Variants in SETBP1 observed in about 807,000 individuals in gnomAD.
SETBP1 encodes SET-binding protein.
In SETBP1, 9 loss-of-function variants were observed where a neutral mutation model predicts 101.0. The ratio of observed to expected loss-of-function variants is 0.09; its 90% CI spans 0.05 to 0.16. The LOEUF (loss-of-function observed/expected upper bound fraction) is 0.16. Among genes scored for constraint, SETBP1 ranks in the 10% least tolerant of loss-of-function variants. SETBP1 has a pLI of 1.00. For synonymous variants in SETBP1, 818 were observed against 788.5 expected (o/e 1.04, Z -0.63); for missense variants, 1,858 against 2,033.8 (o/e 0.91, Z 1.66).
rs188411935 is a variant in SETBP1, at chr18:44,695,250, G to A, written c.-172-5925G>A. ...CGAAAGAAGCCAGAACCATTTAATG[G>A]AAGAAATTACCAAAGGAATAATTGA... is the stretch of plus-strand genomic sequence containing the variant. On this transcript the variant is annotated intron_variant, in intron 1 of 5. Coordinates refer to ENST00000649279, the MANE Select transcript of SETBP1 (RefSeq NM_015559.3). Among the ~76,000 whole-genome samples the A allele has an allele frequency of 2.0e-5, 3 of 152,236 alleles. No homozygotes were observed. The East Asian group carries it at 5.8e-4, about 29-fold the overall frequency.
chr18:44,875,550 A>C (rs970398877), intron 3 of SETBP1, among the ~76,000 whole-genome samples: 1 of 151,198 alleles, frequency 6.6e-6, no homozygotes, highest in Non-Finnish European at 1.5e-5. Context: ...AAAAAAAAAA[A>C]AGAAGGAGTG....
intron 2 of SETBP1, among the ~76,000 whole-genome samples, chr18:44,808,154 A>G (rs565484108): frequency 6.6e-6 from 1 of 152,320 alleles, no homozygotes; most frequent in Non-Finnish European, 1.5e-5. Flanking sequence ...CTTTTCTGTT[A>G]ATAACTTCCT....
chr18:44,970,125 C>T (rs769607496), intron 4 of SETBP1: 6 of 154,822 alleles, frequency 3.9e-5, no homozygotes, highest in Non-Finnish European at 7.3e-5. Context: ...ATAACGTCCT[C>T]AGGGAGCATT....
At chr18:45,045,695 C>A (rs971777491) in intron 5 of SETBP1, among the ~76,000 whole-genome samples, 1 of 152,116 alleles carries the variant, frequency 6.6e-6, no homozygotes, top group East Asian at 1.9e-4. Context: ...GCTAGGTGAT[C>A]TCAAGACTTC....
intron 2 of SETBP1, among the ~76,000 whole-genome samples, chr18:44,777,404 T>A (rs2071027256): frequency 6.6e-6 from 1 of 152,204 alleles, no homozygotes; most frequent in African/African-American, 2.4e-5. Flanking sequence ...CACTTAGTAA[T>A]CTCTCCATCA....
chr18:44,755,834 G>C (rs374413465), intron 2 of SETBP1, among the ~76,000 whole-genome samples: 17 of 152,138 alleles, frequency 1.1e-4, no homozygotes, highest in African/African-American at 3.4e-4. Context: ...AACCAATACA[G>C]CTTGGTTAAA....
chr18:44,798,048 A>T (rs544800997), intron 2 of SETBP1, among the ~76,000 whole-genome samples: 1 of 152,148 alleles, frequency 6.6e-6, no homozygotes, highest in Non-Finnish European at 1.5e-5. Context: ...CCATTTGTGG[A>T]CCCAAACGCT....
Position 44,950,591 on chromosome 18 carries a change from G to A in SETBP1, c.1251G>A (p.Lys417=). 1 of 1,613,950 alleles carries A rather than the reference G, an allele frequency of 6.2e-7. No individual in the cohort carries two copies. The highest frequency in any genetic ancestry group is 1.1e-5 in the South Asian group (1 of 91,066). ...CCTCTCTGGATCCAACCAACCATAA[G>A]AGGAAAAAAAGACAGTCCATTAAAG... ...KAPSLDPTNH[K]RKKRQSIKAV... The change falls in exon 4 of 6, where the codon AAG becomes AAA. Residue 417 remains lysine, a synonymous_variant. Transcript: ENST00000649279.
chr18:45,003,553 A>G (rs1476), intron 4 of SETBP1, among the ~76,000 whole-genome samples: 55,943 of 151,992 alleles, frequency 0.37, 10,443 homozygotes, highest in East Asian at 0.53. Context: ...GACAGGAGGC[A>G]CTTCCCACTG....
chr18:44,956,227 A>G (rs996022830), intron 4 of SETBP1, among the ~76,000 whole-genome samples: 15 of 152,038 alleles, frequency 9.9e-5, no homozygotes, highest in Admixed American at 9.2e-4. Context: ...CTCATTGCTT[A>G]TATCTCGAAT....
chr18:44,909,285 A>G (rs1357598623), intron 3 of SETBP1, among the ~76,000 whole-genome samples: 1 of 152,188 alleles, frequency 6.6e-6, no homozygotes, highest in Non-Finnish European at 1.5e-5. Context: ...GGCCGAGGAG[A>G]AAATGTGTTC....
chr18:44,886,216 C>T (rs2069644472), intron 3 of SETBP1, among the ~76,000 whole-genome samples: 1 of 152,142 alleles, frequency 6.6e-6, no homozygotes, highest in Non-Finnish European at 1.5e-5. Context: ...CTTCATGTAG[C>T]ACATGGGAGG....
intron 2 of SETBP1, among the ~76,000 whole-genome samples, chr18:44,729,978 A>G (rs1158268174): frequency 6.6e-6 from 1 of 152,156 alleles, no homozygotes; most frequent in Admixed American, 6.5e-5. Flanking sequence ...AGAAACTGTC[A>G]TGTAGACTAA....
rs1292543210 is a variant in SETBP1, at chr18:44,701,432, C to T, written c.86C>T (p.Ala29Val). The T allele has an allele frequency of 2.5e-6, 4 of 1,604,798 alleles. No homozygotes were observed. Among genetic ancestry groups the T allele is most frequent in the Non-Finnish European group, 3.4e-6 (4 of 1,174,918 alleles). ...CCGGTCTCCTCAGCCAAGCCCCCAG[C>T]TGCTCCTGGCTGTGCAGGAGAACCT... ...FLPVSSAKPP[A>V]APGCAGEPLL... Residue 29 changes from alanine to valine, a missense_variant, in exon 2 of 6, where the codon GCT becomes GTT. Ala to Val is a moderately conservative substitution (Grantham distance 64, BLOSUM62 0). This residue lies in a region of SETBP1 where 97 missense variants were observed against 101.2 expected (regional missense o/e 0.96). Coordinates refer to ENST00000649279, the MANE Select transcript of SETBP1 (RefSeq NM_015559.3).
intron 3 of SETBP1, among the ~76,000 whole-genome samples, chr18:44,918,765 A>G (rs1032697308): frequency 6.6e-6 from 1 of 152,242 alleles, no homozygotes; most frequent in Non-Finnish European, 1.5e-5. Context: ...TAATATGGCA[A>G]GAGAATGTGA....
intron 5 of SETBP1, among the ~76,000 whole-genome samples, chr18:45,047,652 A>G (rs1173320006): frequency 6.6e-6 from 1 of 152,142 alleles, no homozygotes; most frequent in Non-Finnish European, 1.5e-5. Context: ...GCAGGGCAAA[A>G]TCTTTCCCAT....
rs573294199 is a variant in SETBP1, at chr18:44,721,413, T to C, written c.486+19581T>C. Among the ~76,000 whole-genome samples, 4 of 152,342 alleles carry C rather than the reference T, an allele frequency of 2.6e-5. No individual in the cohort carries two copies. In the East Asian group the frequency reaches 7.7e-4, roughly 29 times the overall value. On this transcript the variant is annotated intron_variant, in intron 2 of 5. Transcript: ENST00000649279. ...AAAGCCAAAGTTTACTTTCTGTATA[T>C]GAGGCCAGTTGTAACCCATCATGTG...
At chr18:44,784,672 C>T (rs1475029061) in intron 2 of SETBP1, among the ~76,000 whole-genome samples, 1 of 152,206 alleles carries the variant, frequency 6.6e-6, no homozygotes, top group Non-Finnish European at 1.5e-5. Context: ...ATTTTTCTTG[C>T]TCTACGTTGT....
intron 4 of SETBP1, among the ~76,000 whole-genome samples, chr18:45,012,968 A>T (rs1903547622): frequency 1.3e-5 from 2 of 152,244 alleles, no homozygotes; most frequent in South Asian, 4.1e-4. Flanking sequence ...TGTAACTCCT[A>T]GATTTAGTCA....
Sources: allele counts gnomAD v4.1 joint callset (sites outside exome capture counted in the v4.1 genomes callset), GRCh38; gene constraint gnomAD v4.1.1; regional missense constraint gnomAD v4.1.1; transcripts MANE v1.5; gene names NCBI Gene and HGNC (gene_info 2026-07-23, HGNC 2026-07-21).